The following POGLUT1 variants were observed in gnomAD, a reference collection of about 807,000 sequenced individuals.
The protein encoded by POGLUT1 is protein O-glucosyltransferase 1, also known as 9630046K23Rik.
A neutral mutation model predicts 61.3 loss-of-function variants in POGLUT1; 32 were observed. That is an observed-to-expected ratio of 0.52 (90% CI 0.39 to 0.70). The LOEUF (loss-of-function observed/expected upper bound fraction) is 0.70, where lower values mean the gene tolerates loss of function less well. Among genes scored for constraint, POGLUT1 ranks in the 30% least tolerant of loss-of-function variants. The pLI is 0.00. For missense variants in POGLUT1, 411 were observed against 469.8 expected (o/e 0.87, Z 1.16); for synonymous variants, 158 against 158.2 (o/e 1.00, Z 0.01).
At chr3:119,472,543 C>T (rs1404358187) in intron 3 of POGLUT1, among the ~76,000 whole-genome samples, 1 of 151,958 alleles carries the variant, frequency 6.6e-6, no homozygotes, top group African/African-American at 2.4e-5. Context: ...ATGGAGAAAC[C>T]CTGTCTTTAC....
intron 8 of POGLUT1, chr3:119,490,111 C>T (rs923473313): frequency 6.2e-6 from 1 of 161,544 alleles, no homozygotes; most frequent in Admixed American, 6.0e-5. Flanking sequence ...AAAAACAAGG[C>T]TTTGGGAGGC....
chr3:119,474,257 A>G (rs1306837026), intron 3 of POGLUT1, among the ~76,000 whole-genome samples: 2 of 152,258 alleles, frequency 1.3e-5, no homozygotes, highest in Non-Finnish European at 2.9e-5. Flanking sequence ...CATATATCAA[A>G]ACATTACATT....
chr3:119,490,802 A>T (rs2081735080), intron 9 of POGLUT1, 84 bp downstream of exon 9: 3 of 1,207,622 alleles, frequency 2.5e-6, no homozygotes, highest in Admixed American at 4.4e-5. Flanking sequence ...AAAACCAGTC[A>T]TGTAAGACAT....
chr3:119,470,036 T>TA, intron 2 of POGLUT1, 126 bp downstream of exon 2: 1 of 660,864 alleles, frequency 1.5e-6, no homozygotes, highest in Non-Finnish European at 2.7e-6. Flanking sequence ...TTCTGGGGAA[T>TA]AAAAATGCTC....
intron 4 of POGLUT1, among the ~76,000 whole-genome samples, chr3:119,479,352 T>C (rs138923748): frequency 6.2e-4 from 95 of 152,348 alleles, no homozygotes; most frequent in African/African-American, 2.1e-3. Flanking sequence ...AACAGTGCCA[T>C]AGTATGAGAT....
At chr3:119,488,804 C>A in intron 7 of POGLUT1, 125 bp from the exon 8 acceptor site, 1 of 519,622 alleles carries the variant, frequency 1.9e-6, no homozygotes, top group Non-Finnish European at 3.6e-6. Context: ...ATAATGTCTC[C>A]TGAGTATATT....
intron 4 of POGLUT1, among the ~76,000 whole-genome samples, chr3:119,477,875 A>G (rs891623684): frequency 6.6e-6 from 1 of 152,202 alleles, no homozygotes; most frequent in East Asian, 1.9e-4. Flanking sequence ...ATCTGTCACC[A>G]TATTCCGGGG....
intron 5 of POGLUT1, among the ~76,000 whole-genome samples, chr3:119,481,492 T>G (rs895805050): frequency 6.6e-6 from 1 of 152,130 alleles, no homozygotes; most frequent in African/African-American, 2.4e-5. Context: ...ACCTATCACC[T>G]CTCCCAAGTG....
rs1046376265 is a variant in POGLUT1 at position 119,490,705 on chromosome 3, C to G, written c.952C>G (p.Leu318Val). Residue 318 changes from leucine (L) to valine (V), a missense_variant, in exon 9 of 11, where the codon CTC becomes GTC. Leu to Val is a conservative substitution (Grantham distance 32). Transcript: ENST00000295588. ...TCACTATATCCCAGTCAAAACAGAT[C>G]TCTCCAATGTCCAGTAAGCAGTTAT... ...WVHYIPVKTD[L>V]SNVQELLQFV... The G allele has an allele frequency of 6.2e-7, 1 of 1,613,838 alleles. No individual in the cohort carries two copies. Among genetic ancestry groups the G allele is most frequent in the East Asian group, 2.2e-5 (1 of 44,888 alleles).
At chr3:119,471,873 G>A (rs1248026373) in intron 3 of POGLUT1, 5 of 216,784 alleles carry the variant, frequency 2.3e-5, no homozygotes, top group Non-Finnish European at 4.6e-5. Flanking sequence ...GGAGTAACTA[G>A]ATGGGGTGGT....
intron 8 of POGLUT1, 124 bp downstream of exon 8, chr3:119,489,111 C>T (rs1221946360): frequency 3.7e-6 from 2 of 547,336 alleles, no homozygotes; most frequent in Non-Finnish European, 6.7e-6. Flanking sequence ...TAATTCATTT[C>T]ACTGGCTTTT....
chr3:119,491,409 C>T, intron 9 of POGLUT1, 109 bp from the exon 10 acceptor site: 1 of 487,906 alleles, frequency 2.0e-6, no homozygotes, highest in Non-Finnish European at 3.7e-6. Flanking sequence ...AAATAATCCA[C>T]CATCCACATA....
intron 5 of POGLUT1, among the ~76,000 whole-genome samples, chr3:119,482,156 C>T (rs1297929971): frequency 6.6e-6 from 1 of 152,188 alleles, no homozygotes; most frequent in Non-Finnish European, 1.5e-5. Flanking sequence ...CAGGTACTTG[C>T]AAATACCCTT....
chr3:119,488,500 T>TA (rs199965760), intron 7 of POGLUT1: 2,213 of 144,004 alleles, frequency 0.015, 58 homozygotes, highest in African/African-American at 0.055. Context: ...ATGATTTGAT[T>TA]TAAAAAAAAA....
At chr3:119,473,924 G>A (rs1037965873) in intron 3 of POGLUT1, among the ~76,000 whole-genome samples, 2 of 152,126 alleles carry the variant, frequency 1.3e-5, no homozygotes, top group Non-Finnish European at 2.9e-5. Flanking sequence ...CTCCCAAAGT[G>A]CTGGGATTAC....
intron 6 of POGLUT1, among the ~76,000 whole-genome samples, chr3:119,485,774 A>C (rs2081657403): frequency 1.3e-5 from 2 of 152,186 alleles, no homozygotes; most frequent in Admixed American, 1.3e-4. Context: ...ATATCTCTTG[A>C]CTGCCTTTTT....
chr3:119,490,693 G>A lies in POGLUT1; in HGVS notation c.940G>A (p.Val314Ile), dbSNP rs949265784. 9 of 1,614,026 alleles carry A rather than the reference G, an allele frequency of 5.6e-6. No homozygotes were observed. The highest frequency in any genetic ancestry group is 7.6e-6 in the Non-Finnish European group (9 of 1,179,952). ...QLKPWVHYIP[V>I]KTDLSNVQEL... ...GAAGCCATGGGTTCACTATATCCCA[G>A]TCAAAACAGATCTCTCCAATGTCCA... The change falls in exon 9 of 11, where the codon GTC (valine) becomes ATC (isoleucine). Residue 314 changes from valine (V) to isoleucine (I), a missense_variant. Physicochemically the swap from Val to Ile is conservative, Grantham distance 29. Coordinates refer to ENST00000295588, the MANE Select transcript of POGLUT1 (RefSeq NM_152305.3).
intron 5 of POGLUT1, among the ~76,000 whole-genome samples, chr3:119,484,649 TA>T (rs1328255662): frequency 2.0e-5 from 3 of 152,274 alleles, no homozygotes; most frequent in Non-Finnish European, 4.4e-5. Context: ...GATGCTTTTT[TA>T]TTTTTTTGCA....
intron 7 of POGLUT1, among the ~76,000 whole-genome samples, chr3:119,487,571 G>A (rs929214342): frequency 2.0e-5 from 3 of 152,044 alleles, no homozygotes; most frequent in Non-Finnish European, 4.4e-5. Context: ...TGGCGACAGA[G>A]CAAGACTCCG....
Sources: gnomAD v4.1 joint callset for allele counts (sites outside exome capture counted in the v4.1 genomes callset) on GRCh38, gnomAD v4.1.1 for gene constraint, MANE v1.5 for transcripts, NCBI Gene and HGNC (gene_info 2026-07-23, HGNC 2026-07-21) for gene names.